Variants in CASQ1 observed in about 807,000 individuals in gnomAD.
CASQ1 encodes the protein calsequestrin-1.
In CASQ1, 40 loss-of-function variants were observed where a neutral mutation model predicts 49.5. The ratio of observed to expected loss-of-function variants is 0.81; its 90% CI spans 0.63 to 1.05. CASQ1 has a LOEUF of 1.05. CASQ1 is among the 50% of genes least tolerant of loss of function. CASQ1 has a pLI of 0.00. For synonymous variants in CASQ1, 174 were observed against 187.2 expected, an observed-to-expected ratio of 0.93 and a Z score of 0.58; for missense variants, 469 against 486.9, an observed-to-expected ratio of 0.96 and a Z score of 0.35.
At chr1:160,192,412 G>C (rs1261543874) in intron 1 of CASQ1, among the ~76,000 whole-genome samples, 1 of 152,046 alleles carries the variant, frequency 6.6e-6, no homozygotes, top group Admixed American at 6.6e-5. Context: ...ACTGAGCTTG[G>C]CCCTTGACCA....
At chr1:160,195,656 C>A (rs1173221363) in intron 5 of CASQ1, 122 bp downstream of exon 5, 13 of 842,608 alleles carry the variant, frequency 1.5e-5, no homozygotes, top group Admixed American at 8.2e-5. Flanking sequence ...CTACCTGCCC[C>A]CCCCCCCGGC....
rs1214777076 is a variant in CASQ1 at position 160,198,993 on chromosome 1, A to G, written c.924A>G (p.Gln308=). The G allele has an allele frequency of 6.2e-7, 1 of 1,613,688 alleles. No individual in the cohort carries two copies. ...TAGAGACTCTCAAGGCTGTGGCCCA[A>G]GATAACACTGAAAACCCAGATCTTA... The part of the protein sequence containing the change: ...EFLETLKAVA[Q]DNTENPDLSI... The change falls in exon 9 of 11, where the codon CAA becomes CAG. Residue 308 remains glutamine (Q), a synonymous_variant. Coordinates refer to ENST00000368078, the MANE Select transcript of CASQ1 (RefSeq NM_001231.5).
chr1:160,200,969 C>G (rs1027508123), intron 10 of CASQ1, among the ~76,000 whole-genome samples: 3 of 152,176 alleles, frequency 2.0e-5, no homozygotes, highest in Admixed American at 2.0e-4. Flanking sequence ...GGTTTTGCAC[C>G]AAAGGCATAA....
At position 160,195,092 on chromosome 1, in the gene CASQ1, C is replaced by A. The variant is rs773117260; in HGVS notation, c.546C>A (p.Leu182=). ...AGAATATTGAGGATGAGATCAAACT[C>A]ATTGGCTACTTCAAGAGCAAAGACT... is the stretch of plus-strand genomic sequence containing the variant. The part of the protein sequence containing the change: ...AFENIEDEIK[L]IGYFKSKDSE... Residue 182 remains leucine (L), a synonymous_variant, in exon 4 of 11, where the codon CTC becomes CTA. Transcript: ENST00000368078. 1 of 1,612,342 alleles carries A rather than the reference C, an allele frequency of 6.2e-7. No homozygotes were observed. Among genetic ancestry groups the A allele is most frequent in the Non-Finnish European group, 8.5e-7 (1 of 1,178,980 alleles).
chr1:160,195,521 C>T lies in CASQ1; in HGVS notation c.638C>T (p.Thr213Ile), dbSNP rs756193352. 3 of 1,613,924 alleles carry T rather than the reference C, an allele frequency of 1.9e-6. No homozygotes were observed. Among genetic ancestry groups the T allele is most frequent in the Admixed American group, 1.7e-5 (1 of 60,004 alleles). The part of the protein sequence containing the change: ...EFHPYIPFFA[T>I]FDSKVAKKLT... ...CATCCCTACATCCCCTTCTTCGCCA[C>T]CTTCGACAGCAAGGTTCTCCTCCCC... is the stretch of plus-strand genomic sequence containing the variant. Residue 213 changes from threonine to isoleucine, a missense_variant, in exon 5 of 11, where the codon ACC (threonine) becomes ATC (isoleucine). Coordinates refer to ENST00000368078, the MANE Select transcript of CASQ1 (RefSeq NM_001231.5).
At chr1:160,196,317 G>A (rs141462342) in intron 6 of CASQ1, among the ~76,000 whole-genome samples, 456 of 152,180 alleles carry the variant, frequency 3.0e-3, no homozygotes, top group Admixed American at 4.6e-3. Flanking sequence ...AGTGTTGACT[G>A]CCTGTGGTGG....
intron 9 of CASQ1, 42 bp from the exon 10 acceptor site, chr1:160,199,809 C>G: frequency 7.6e-7 from 1 of 1,320,832 alleles, no homozygotes. Context: ...TTCATGTGCT[C>G]CCTAGTATCT....
In CASQ1 at chr1:160,190,750, C is replaced by T. The variant is rs1350002800; in HGVS notation, c.-2C>T. 1 of 1,612,832 alleles carries T rather than the reference C, an allele frequency of 6.2e-7. No individual in the cohort carries two copies. The highest frequency in any genetic ancestry group is 8.5e-7 in the Non-Finnish European group (1 of 1,179,136). ...AGAGCCAACCCAGATCCCACTACCT[C>T]CATGAGTGCTACAGACAGGATGGGG... On this transcript the variant is annotated 5_prime_UTR_variant, in exon 1 of 11. Transcript: ENST00000368078.
chr1:160,191,545 C>A (rs147409389), intron 1 of CASQ1, among the ~76,000 whole-genome samples: 1 of 152,284 alleles, frequency 6.6e-6, no homozygotes, highest in East Asian at 1.9e-4. Context: ...CCATTGGACT[C>A]CCAGTCCCCT....
At chr1:160,192,933 G>A in intron 2 of CASQ1, 47 bp downstream of exon 2, 3 of 1,494,220 alleles carry the variant, frequency 2.0e-6, no homozygotes, top group South Asian at 1.1e-5. Context: ...TTGAGACAAG[G>A]GGAGGCTTAG....
chr1:160,193,881 G>A, intron 3 of CASQ1, 34 bp downstream of exon 3: 6 of 1,449,994 alleles, frequency 4.1e-6, no homozygotes, highest in Non-Finnish European at 5.8e-6. Context: ...GGCCTTGCTT[G>A]AAAACTCCAC....
intron 10 of CASQ1, among the ~76,000 whole-genome samples, chr1:160,200,768 G>T (rs1156590990): frequency 7.2e-5 from 11 of 152,186 alleles, no homozygotes; most frequent in Admixed American, 6.5e-4. Context: ...CAGCATTTTG[G>T]GAGGCCAAGG....
At position 160,190,911 on chromosome 1, in the gene CASQ1, G is replaced by A. The variant is rs371473487; in HGVS notation, c.160G>A (p.Ala54Thr). 1.9e-6 allele frequency: 3 copies of A among 1,614,176 alleles called. No individual in the cohort carries two copies. The highest frequency in any genetic ancestry group is 2.5e-6 in the Non-Finnish European group (3 of 1,180,032). ...DGVDRVINVN[A>T]KNYKNVFKKY... is the part of the protein sequence containing the mutation. ...TGTGGACCGTGTGATCAATGTCAATGCAAAGAACTACAAGAATGTGTTCAA... is the reference window on the plus strand; with the variant it reads ...TGTGGACCGTGTGATCAATGTCAATACAAAGAACTACAAGAATGTGTTCAA... Residue 54 changes from alanine (A) to threonine (T), a missense_variant, in exon 1 of 11, where the codon GCA becomes ACA. By Grantham distance (58) the Ala-to-Thr change is moderately conservative. Coordinates refer to ENST00000368078, the MANE Select transcript of CASQ1 (RefSeq NM_001231.5).
At chr1:160,193,435 C>T (rs891149166) in intron 2 of CASQ1, among the ~76,000 whole-genome samples, 2 of 151,866 alleles carry the variant, frequency 1.3e-5, no homozygotes, top group African/African-American at 4.8e-5. Context: ...TCGTTGCGGT[C>T]AGAGAAGGGG....
chr1:160,198,685 T>C lies in CASQ1; in HGVS notation c.837T>C (p.Asp279=), dbSNP rs1553192858. 1 of 1,613,458 alleles carries C rather than the reference T, an allele frequency of 6.2e-7. No homozygotes were observed. Among genetic ancestry groups the C allele is most frequent in the African/African-American group, 1.3e-5 (1 of 74,908 alleles). Residue 279 remains aspartate, a synonymous_variant, in exon 8 of 11, where the codon GAT becomes GAC. Coordinates refer to ENST00000368078, the MANE Select transcript of CASQ1 (RefSeq NM_001231.5). ...TTCTTACCCCCTGACAGGAGGATGA[T>C]ATGGATGGAATCCACATTGTGGCCT... ...PESMYETWED[D]MDGIHIVAFA... is the part of the protein sequence containing the mutation.
At position 160,199,884 on chromosome 1, in the gene CASQ1, G is replaced by T. The variant is rs749145120; in HGVS notation, c.1018G>T (p.Asp340Tyr). 2.5e-6 allele frequency: 4 copies of T among 1,613,484 alleles called. No individual in the cohort carries two copies. The Admixed American group carries it at 5.0e-5, about 20-fold the overall frequency. ...VPYWEKTFDIDLSAPQIGVVN... is the reference protein window; with the variant it reads ...VPYWEKTFDIYLSAPQIGVVN... ...ATACTGGGAGAAGACGTTTGACATC[G>T]ACTTGTCAGCCCCACAAATAGGAGT... The change falls in exon 10 of 11, where the codon GAC (aspartate) becomes TAC (tyrosine). Residue 340 changes from aspartate to tyrosine, a missense_variant. Asp to Tyr is a radical substitution (Grantham distance 160). Transcript: ENST00000368078.
chr1:160,195,751 T>C, intron 5 of CASQ1, 146 bp from the exon 6 acceptor site: 1 of 959,966 alleles, frequency 1.0e-6, no homozygotes, highest in South Asian at 1.6e-5. Context: ...CCCAGGCAAG[T>C]TAAGACACTT....
chr1:160,195,508 C>A lies in CASQ1; in HGVS notation c.625C>A (p.Pro209Thr). The change falls in exon 5 of 11, where the codon CCC (proline) becomes ACC (threonine). Residue 209 changes from proline to threonine, a missense_variant. By Grantham distance (38) the Pro-to-Thr change is conservative. Coordinates refer to ENST00000368078, the MANE Select transcript of CASQ1 (RefSeq NM_001231.5). ...AGCTGAGGAGTTTCATCCCTACATC[C>A]CCTTCTTCGCCACCTTCGACAGCAA... ...DAAEEFHPYIPFFATFDSKVA... is the reference protein window; with the variant it reads ...DAAEEFHPYITFFATFDSKVA... 1 of 1,614,054 alleles carries A rather than the reference C, an allele frequency of 6.2e-7. No homozygotes were observed.
chr1:160,194,911 C>G, intron 3 of CASQ1, 101 bp from the exon 4 acceptor site: 1 of 690,294 alleles, frequency 1.4e-6, no homozygotes, highest in Non-Finnish European at 2.5e-6. Context: ...CTGTCAACAT[C>G]TAGCCCCCTC....
Sources: gnomAD v4.1 joint callset for allele counts (sites outside exome capture counted in the v4.1 genomes callset) on GRCh38, gnomAD v4.1.1 for gene constraint, MANE v1.5 for transcripts, NCBI Gene and HGNC (gene_info 2026-07-23, HGNC 2026-07-21) for gene names.